Variants in TATDN2 observed in about 807,000 individuals in gnomAD.
TATDN2 encodes 3'-5' RNA nuclease TATDN2.
TATDN2 carries 44 observed loss-of-function variants against 60.3 expected under a neutral mutation model. That is an observed-to-expected ratio of 0.73 (90% confidence interval 0.57 to 0.94). The LOEUF is 0.94. Ranked by LOEUF, TATDN2 falls within the 40% of genes least tolerant of loss-of-function variation. The pLI is 0.00. For missense variants in TATDN2, 997 were observed against 948.0 expected (o/e 1.05, Z -0.68); for synonymous variants, 399 against 355.8 (o/e 1.12, Z -1.37).
In TATDN2 at chr3:10,276,496, G is replaced by A. The variant is rs780425063; in HGVS notation, c.1961+8G>A. 1.9e-6 allele frequency: 3 copies of A among 1,613,276 alleles called. No individual in the cohort carries two copies. In the South Asian group the frequency reaches 3.3e-5, roughly 18 times the overall value. On this transcript the variant is annotated splice_region_variant and intron_variant, in intron 5 of 7. Coordinates refer to ENST00000448281, the MANE Select transcript of TATDN2 (RefSeq NM_014760.4). ...TGACTACAAGATCCATAGGTTAGAAGACTGGAACTTCAGCGGGCAAATGAA... is the reference window on the plus strand; with the variant it reads ...TGACTACAAGATCCATAGGTTAGAAAACTGGAACTTCAGCGGGCAAATGAA...
intron 3 of TATDN2, among the ~76,000 whole-genome samples, chr3:10,261,267 C>T (rs912815922): frequency 2.0e-5 from 3 of 152,130 alleles, no homozygotes; most frequent in Admixed American, 2.0e-4. Context: ...CAGACTTGTA[C>T]CTGGATAACC....
At chr3:10,268,211 GAGA>G (rs1302408089) in intron 3 of TATDN2, among the ~76,000 whole-genome samples, 1 of 152,240 alleles carries the variant, frequency 6.6e-6, no homozygotes, top group Non-Finnish European at 1.5e-5. Context: ...CAGTAGCTGT[GAGA>G]AGTCTAAGGC....
chr3:10,265,937 C>T (rs191471418), intron 3 of TATDN2, among the ~76,000 whole-genome samples: 10 of 152,238 alleles, frequency 6.6e-5, no homozygotes, highest in African/African-American at 1.7e-4. Context: ...AGTCTGGCAC[C>T]TCCAATTCCT....
chr3:10,248,935 T>TC lies in TATDN2; in HGVS notation c.-138dup, dbSNP rs770423501. 11 of 402,036 alleles carry TC rather than the reference T, an allele frequency of 2.7e-5. No homozygotes were observed. The highest frequency in any genetic ancestry group is 1.0e-4 in the South Asian group (1 of 9,566). The allele number at this position is 402,036 out of a possible 1,614,324, so 24.9% of individuals were successfully genotyped here. ...TGGGCAAAGTGAAGGCTTCCTGATC[T>TC]CAGAAGCACGTTGTGGGCTTGGAAA... On this transcript the variant is annotated 5_prime_UTR_variant, in exon 1 of 8. Coordinates refer to ENST00000448281, the MANE Select transcript of TATDN2 (RefSeq NM_014760.4).
chr3:10,273,280 G>T (rs750171697), intron 4 of TATDN2, among the ~76,000 whole-genome samples: 18 of 152,144 alleles, frequency 1.2e-4, no homozygotes, highest in Non-Finnish European at 2.2e-4. Context: ...TCCTAGGCTG[G>T]GTGGGGGATA....
At chr3:10,251,824 G>A (rs1200456415) in intron 2 of TATDN2, among the ~76,000 whole-genome samples, 6 of 151,628 alleles carry the variant, frequency 4.0e-5, no homozygotes, top group Non-Finnish European at 8.8e-5. Context: ...TGAGAATATG[G>A]GCATGTGCCA....
chr3:10,255,241 T>C (rs1656590532), intron 2 of TATDN2, among the ~76,000 whole-genome samples: 1 of 151,654 alleles, frequency 6.6e-6, no homozygotes, highest in African/African-American at 2.4e-5. Context: ...GTTGAACTTG[T>C]GGGCTCGAGT....
chr3:10,279,284 T>A lies in TATDN2; in HGVS notation c.*102T>A, dbSNP rs1063429. 166,921 of 404,126 alleles carry A rather than the reference T, an allele frequency of 0.41. 38,880 individuals are homozygous for A. Among genetic ancestry groups the A allele is most frequent in the Non-Finnish European group, 0.5 (110,180 of 221,714 alleles). The allele number at this position is 404,126 out of a possible 1,614,324, so 25.0% of individuals were successfully genotyped here. ...GTCTGTGTCTCAGGTCGAGGATGTGTTTAGAGAGCTGATTGGAACACAGAA... is the reference window on the plus strand; with the variant it reads ...GTCTGTGTCTCAGGTCGAGGATGTGATTAGAGAGCTGATTGGAACACAGAA... On this transcript the variant is annotated 3_prime_UTR_variant, in exon 8 of 8. Transcript: ENST00000448281.
intron 5 of TATDN2, among the ~76,000 whole-genome samples, chr3:10,277,568 A>G (rs1294479174): frequency 6.6e-6 from 1 of 152,194 alleles, no homozygotes; most frequent in East Asian, 1.9e-4. Flanking sequence ...TGGCAGAAAA[A>G]GGAGGATGGG....
chr3:10,249,018 ATC>A lies in TATDN2; in HGVS notation c.-52_-51del, dbSNP rs1046864221. ...TTTGACTTCTCCAACACGGTTTGGC[ATC>A]TCTGAAACCTTGAGAACTGTGATGG... is the stretch of plus-strand genomic sequence containing the variant. On this transcript the variant is annotated 5_prime_UTR_variant, in exon 1 of 8. Coordinates refer to ENST00000448281, the MANE Select transcript of TATDN2 (RefSeq NM_014760.4). The A allele has an allele frequency of 6.3e-6, 4 of 637,162 alleles. No homozygotes were observed. The African/African-American group carries it at 7.5e-5, about 12-fold the overall frequency. 39.5% of individuals were successfully genotyped at this position (637,162 alleles called of 1,614,324 possible). A position where few individuals can be genotyped will look rare whatever the true frequency, so the allele number is the denominator to read the frequency against.
Position 10,278,647 on chromosome 3 carries a change from TA to T in TATDN2, c.2145+187del. The stretch of plus-strand genomic sequence containing the variant: ...TCTAGGGGGCTGAGAAGCTGAAGGG[TA>T]ACCACTCTCTTCCAGGCAGTGCAAA... On this transcript the variant is annotated intron_variant, in intron 6 of 7. Transcript: ENST00000448281. This position sits in a 1 kb window ranked among gnomAD's most constrained non-coding sequence, Gnocchi z 4.7. 1.0e-6 allele frequency: 1 copy of T among 994,676 alleles called. No individual in the cohort carries two copies. Among genetic ancestry groups the T allele is most frequent in the Non-Finnish European group, 1.5e-6 (1 of 648,190 alleles). The allele number at this position is 994,676 out of a possible 1,614,324, so 61.6% of individuals were successfully genotyped here.
In TATDN2 at chr3:10,270,701, T is replaced by G. The variant is rs146494317; in HGVS notation, c.1519T>G (p.Ser507Ala). ...TCATTGTCACCTGGACATGCTCTAT[T>G]CCAAGCTATCTTTCCAAGGGACCTT... ...DTHCHLDMLY[S>A]KLSFQGTFTK... Residue 507 changes from serine to alanine, a missense_variant, in exon 4 of 8, where the codon TCC (serine) becomes GCC (alanine). Transcript: ENST00000448281. 14 of 1,614,072 alleles carry G rather than the reference T, an allele frequency of 8.7e-6. No homozygotes were observed. Among genetic ancestry groups the G allele is most frequent in the African/African-American group, 1.3e-5 (1 of 74,930 alleles).
At chr3:10,258,066 T>G (rs1253818550) in intron 2 of TATDN2, among the ~76,000 whole-genome samples, 3 of 151,082 alleles carry the variant, frequency 2.0e-5, no homozygotes, top group Non-Finnish European at 4.4e-5. Flanking sequence ...TTCACTGTGT[T>G]AGCCAGGATG....
chr3:10,272,248 G>A (rs1383318048), intron 4 of TATDN2, among the ~76,000 whole-genome samples: 1 of 151,862 alleles, frequency 6.6e-6, no homozygotes, highest in East Asian at 1.9e-4. Context: ...GGGACTGCAG[G>A]TGCACACCAC....
At chr3:10,274,079 G>A (rs1252067515) in intron 4 of TATDN2, among the ~76,000 whole-genome samples, 1 of 152,174 alleles carries the variant, frequency 6.6e-6, no homozygotes, top group Non-Finnish European at 1.5e-5. Context: ...ACCTTATGCA[G>A]GTAGAAGTGA....
intron 3 of TATDN2, among the ~76,000 whole-genome samples, chr3:10,269,922 A>G (rs1179301957): frequency 6.6e-6 from 1 of 152,144 alleles, no homozygotes; most frequent in Non-Finnish European, 1.5e-5. Flanking sequence ...TGAACCCAAT[A>G]CAGCTGTTCA....
intron 2 of TATDN2, among the ~76,000 whole-genome samples, chr3:10,259,385 A>G (rs1698366576): frequency 6.6e-6 from 1 of 152,254 alleles, no homozygotes; most frequent in African/African-American, 2.4e-5. Flanking sequence ...CCTTAGGAGG[A>G]CATTTGTGGA....
At chr3:10,275,066 GCCTTTGCCTC>G (rs969929029) in intron 4 of TATDN2, among the ~76,000 whole-genome samples, 5 of 149,554 alleles carry the variant, frequency 3.3e-5, no homozygotes, top group Non-Finnish European at 1.5e-5. Flanking sequence ...GCTCACTGCA[GCCTTTGCCTC>G]CCAGGTTCAG....
At chr3:10,262,580 G>T (rs1010791820) in intron 3 of TATDN2, among the ~76,000 whole-genome samples, 10 of 124,456 alleles carry the variant, frequency 8.0e-5, no homozygotes, top group Non-Finnish European at 1.6e-4. Flanking sequence ...GTCTTGCCCA[G>T]GCTGGAGTGC....
Sources: gnomAD v4.1 joint callset for allele counts (sites outside exome capture counted in the v4.1 genomes callset) on GRCh38, gnomAD v4.1.1 for gene constraint, Gnocchi (gnomAD v3.1) non-coding constraint, MANE v1.5 for transcripts, NCBI Gene and HGNC (gene_info 2026-07-23, HGNC 2026-07-21) for gene names.